ACTN1: variants seen among roughly 807,000 people sequenced by gnomAD.
ACTN1 encodes actinin alpha 1.
ACTN1 carries 30 observed loss-of-function variants against 119.6 expected under a neutral mutation model. The ratio of observed to expected loss-of-function variants is 0.25; its 90% CI spans 0.19 to 0.34. The LOEUF is 0.34. ACTN1 is among the 10% of genes least tolerant of loss of function. ACTN1 has a pLI of 1.00. For missense variants in ACTN1, 764 were observed against 1,223.4 expected (o/e 0.62, Z 5.60); for synonymous variants, 429 against 472.6 (o/e 0.91, Z 1.20).
chr14:68,935,886 C>G (rs1431147784), intron 1 of ACTN1, among the ~76,000 whole-genome samples: 4 of 152,188 alleles, frequency 2.6e-5, no homozygotes, highest in Admixed American at 2.6e-4. Flanking sequence ...CACGTGCTGG[C>G]CACACCTCTT....
At chr14:68,972,129 A>T (rs2036909760) in intron 1 of ACTN1, among the ~76,000 whole-genome samples, 1 of 152,170 alleles carries the variant, frequency 6.6e-6, no homozygotes, top group South Asian at 2.1e-4. Flanking sequence ...ATTTTCCCCA[A>T]GGACTGAGAC....
chr14:68,978,869 G>T (rs1208349401), intron 1 of ACTN1, 83 bp downstream of exon 1: 12 of 987,164 alleles, frequency 1.2e-5, no homozygotes, highest in Non-Finnish European at 1.7e-5. Context: ...TTCAGAGCCC[G>T]GAGCCGAGAG....
intron 1 of ACTN1, among the ~76,000 whole-genome samples, chr14:68,950,989 C>T (rs1001759949): frequency 1.3e-5 from 2 of 152,220 alleles, no homozygotes; most frequent in South Asian, 4.1e-4. Flanking sequence ...TTATCACCTG[C>T]CTGCCCTCCT....
chr14:68,945,509 T>C (rs1217758484), intron 1 of ACTN1, among the ~76,000 whole-genome samples: 4 of 152,154 alleles, frequency 2.6e-5, no homozygotes, highest in Non-Finnish European at 5.9e-5. Flanking sequence ...AAGAGACCTC[T>C]AAATGCCATG....
intron 8 of ACTN1, among the ~76,000 whole-genome samples, chr14:68,899,750 C>T (rs1049343589): frequency 2.6e-5 from 4 of 152,098 alleles, no homozygotes; most frequent in East Asian, 1.9e-4. Context: ...GCATGAAGCC[C>T]GGGACAGACC....
chr14:68,875,925 C>T (rs763152542), intron 21 of ACTN1, among the ~76,000 whole-genome samples: 1 of 152,238 alleles, frequency 6.6e-6, no homozygotes, highest in Non-Finnish European at 1.5e-5. Flanking sequence ...GTAGGTTCAG[C>T]CTTTATTCCC....
intron 1 of ACTN1, among the ~76,000 whole-genome samples, chr14:68,957,709 C>T (rs540408590): frequency 6.6e-6 from 1 of 152,240 alleles, no homozygotes; most frequent in Admixed American, 6.5e-5. Context: ...CAACCCTCAG[C>T]CCACAACCAG....
At chr14:68,960,047 T>C (rs963578061) in intron 1 of ACTN1, among the ~76,000 whole-genome samples, 2 of 152,150 alleles carry the variant, frequency 1.3e-5, no homozygotes, top group Non-Finnish European at 2.9e-5. Flanking sequence ...AGAGAAACTA[T>C]ATTTGCTATT....
chr14:68,919,385 G>A (rs2034519320), intron 3 of ACTN1, among the ~76,000 whole-genome samples: 1 of 152,182 alleles, frequency 6.6e-6, no homozygotes, highest in Non-Finnish European at 1.5e-5. Context: ...AACCACCTGG[G>A]TGACTTTCTT....
At chr14:68,963,496 G>A (rs1656840454) in intron 1 of ACTN1, among the ~76,000 whole-genome samples, 1 of 152,212 alleles carries the variant, frequency 6.6e-6, no homozygotes, top group South Asian at 2.1e-4. Flanking sequence ...GAGTTGAGTA[G>A]ATGAACTAGG....
intron 1 of ACTN1, among the ~76,000 whole-genome samples, chr14:68,950,462 G>GTGTGTGTGTGTGTGTGTGTATGTGTA: frequency 7.1e-5 from 9 of 125,906 alleles, no homozygotes; most frequent in African/African-American, 8.2e-5. Flanking sequence ...ATGCGTGTGT[G>GTGTGTGTGTGTGTGTGTGTATGTGTA]TATATATATA....
chr14:68,942,037 G>T (rs997815234), intron 1 of ACTN1, among the ~76,000 whole-genome samples: 1 of 152,124 alleles, frequency 6.6e-6, no homozygotes, highest in Non-Finnish European at 1.5e-5. Flanking sequence ...ACCCAAGCCC[G>T]CAGGATGCCA....
At chr14:68,968,265 G>A (rs191301244) in intron 1 of ACTN1, among the ~76,000 whole-genome samples, 245 of 152,286 alleles carry the variant, frequency 1.6e-3, no homozygotes, top group Non-Finnish European at 2.7e-3. Flanking sequence ...TGTAACATAC[G>A]AACGCCACCG....
intron 1 of ACTN1, among the ~76,000 whole-genome samples, chr14:68,930,089 C>T (rs750270459): frequency 6.6e-6 from 1 of 152,214 alleles, no homozygotes; most frequent in Non-Finnish European, 1.5e-5. Context: ...GATATACTTC[C>T]TTTAAAATGT....
intron 1 of ACTN1, among the ~76,000 whole-genome samples, chr14:68,948,653 G>A (rs191707369): frequency 2.6e-5 from 4 of 152,232 alleles, no homozygotes; most frequent in Admixed American, 1.3e-4. Flanking sequence ...TAAGTAAGCC[G>A]GCTAGCAAAG....
At chr14:68,961,580 T>C (rs1484950011) in intron 1 of ACTN1, among the ~76,000 whole-genome samples, 4 of 152,182 alleles carry the variant, frequency 2.6e-5, no homozygotes, top group Admixed American at 6.5e-5. Context: ...GGGTGGGCTA[T>C]AGGCCCTATG....
In ACTN1 at chr14:68,878,735, T is replaced by A. The variant is rs1203641446; in HGVS notation, c.2362-212A>T. On this transcript the variant is annotated intron_variant, in intron 19 of 21. Coordinates refer to ENST00000394419, the MANE Select transcript of ACTN1 (RefSeq NM_001130004.2). The surrounding 1 kb of genome is among the most constrained non-coding windows in gnomAD (Gnocchi z 4.4). ...ACAGGAGGAAGACAGAGCAGGGAGA[T>A]GCAAAAATCCACCCATGGGATGAAG... is the stretch of plus-strand genomic sequence containing the variant. 6.5e-7 allele frequency: 1 copy of A among 1,537,328 alleles called. No homozygotes were observed. The highest frequency in any genetic ancestry group is 8.7e-7 in the Non-Finnish European group (1 of 1,147,750).
chr14:68,969,875 C>A (rs1238714757), intron 1 of ACTN1, among the ~76,000 whole-genome samples: 2 of 152,132 alleles, frequency 1.3e-5, no homozygotes, highest in Non-Finnish European at 2.9e-5. Flanking sequence ...GGCTTGGTGC[C>A]TCTTCCAGCC....
chr14:68,950,055 G>A (rs1318393270), intron 1 of ACTN1, among the ~76,000 whole-genome samples: 1 of 152,108 alleles, frequency 6.6e-6, no homozygotes. Flanking sequence ...CAGCACTTTG[G>A]GAGGCTGAGG....
Sources: gnomAD v4.1 joint callset for allele counts (sites outside exome capture counted in the v4.1 genomes callset) on GRCh38, gnomAD v4.1.1 for gene constraint, Gnocchi (gnomAD v3.1) non-coding constraint, MANE v1.5 for transcripts, NCBI Gene and HGNC (gene_info 2026-07-23, HGNC 2026-07-21) for gene names.